The following ROBO2 variants were observed in gnomAD, a reference collection of about 807,000 sequenced individuals.
ROBO2 encodes the protein roundabout guidance receptor 2.
A neutral mutation model predicts 160.8 loss-of-function variants in ROBO2; 53 were observed. That is an observed-to-expected ratio of 0.33 (90% CI 0.26 to 0.41). The LOEUF (loss-of-function observed/expected upper bound fraction) is 0.41. Among genes scored for constraint, ROBO2 ranks in the 10% least tolerant of loss-of-function variants. The pLI is 1.00. For synonymous variants in ROBO2, 664 were observed against 611.7 expected (o/e 1.09, Z -1.26); for missense variants, 1,577 against 1,722.4 (o/e 0.92, Z 1.49).
At chr3:75,999,257 A>G (rs2065815495) in intron 2 of ROBO2, among the ~76,000 whole-genome samples, 1 of 152,206 alleles carries the variant, frequency 6.6e-6, no homozygotes, top group Admixed American at 6.5e-5. Context: ...TGTTCTTAGA[A>G]CAATATTCTA....
chr3:76,619,139 G>C (rs1195140794), intron 2 of ROBO2, among the ~76,000 whole-genome samples: 1 of 151,610 alleles, frequency 6.6e-6, no homozygotes, highest in African/African-American at 2.4e-5. Context: ...AGGAGATCGA[G>C]ACCATCCTGG....
intron 2 of ROBO2, among the ~76,000 whole-genome samples, chr3:76,349,275 A>T (rs1253507365): frequency 6.6e-6 from 1 of 152,148 alleles, no homozygotes; most frequent in Non-Finnish European, 1.5e-5. Context: ...TTGATGGCAA[A>T]TTATAGTTTG....
At chr3:76,538,103 T>C (rs1313261464) in intron 2 of ROBO2, among the ~76,000 whole-genome samples, 3 of 151,294 alleles carry the variant, frequency 2.0e-5, no homozygotes, top group African/African-American at 7.3e-5. Flanking sequence ...TGTGTGCAGG[T>C]CACAGGGGTT....
chr3:76,006,518 C>T (rs1418349493), intron 2 of ROBO2, among the ~76,000 whole-genome samples: 1 of 152,078 alleles, frequency 6.6e-6, no homozygotes. Flanking sequence ...AGCTATTTAC[C>T]TATCCTTCTT....
chr3:76,049,132 T>C (rs1203348979), intron 2 of ROBO2, among the ~76,000 whole-genome samples: 1 of 152,066 alleles, frequency 6.6e-6, no homozygotes, highest in African/African-American at 2.4e-5. Context: ...AACTTCTTAT[T>C]TTGAGCTGGG....
chr3:77,272,322 T>C (rs1036929692), intron 2 of ROBO2, among the ~76,000 whole-genome samples: 10 of 151,998 alleles, frequency 6.6e-5, no homozygotes, highest in Non-Finnish European at 1.3e-4. Flanking sequence ...AGAGGCAGCA[T>C]GGCTGAGGAG....
At chr3:76,683,568 C>T (rs2092618569) in intron 2 of ROBO2, among the ~76,000 whole-genome samples, 1 of 151,578 alleles carries the variant, frequency 6.6e-6, no homozygotes. Context: ...TGTGGTTCTC[C>T]AGTTGATTAC....
intron 2 of ROBO2, among the ~76,000 whole-genome samples, chr3:76,738,848 T>A (rs1560474205): frequency 6.6e-6 from 1 of 152,194 alleles, no homozygotes; most frequent in African/African-American, 2.4e-5. Context: ...TTGTTTTTTT[T>A]TCTTTTTAAA....
intron 2 of ROBO2, among the ~76,000 whole-genome samples, chr3:77,378,425 T>C (rs1430769142): frequency 6.6e-6 from 1 of 152,118 alleles, no homozygotes; most frequent in East Asian, 1.9e-4. Context: ...AACTAAGATA[T>C]TGTAAAGCCA....
chr3:76,302,938 A>C (rs1250444777), intron 2 of ROBO2, among the ~76,000 whole-genome samples: 2 of 152,146 alleles, frequency 1.3e-5, no homozygotes, highest in Non-Finnish European at 2.9e-5. Flanking sequence ...ATAGACAGGA[A>C]TATCCCATGT....
At chr3:76,371,524 CTT>C (rs2076100495) in intron 2 of ROBO2, among the ~76,000 whole-genome samples, 1 of 151,796 alleles carries the variant, frequency 6.6e-6, no homozygotes, top group African/African-American at 2.4e-5. Context: ...GTATATGAGT[CTT>C]TGCACATACT....
intron 2 of ROBO2, among the ~76,000 whole-genome samples, chr3:76,798,272 G>GAAAGAA: frequency 1.5e-5 from 2 of 130,706 alleles, no homozygotes; most frequent in Admixed American, 7.6e-5. Context: ...AAGAAAGAAA[G>GAAAGAA]AAAGAAAGAA....
intron 2 of ROBO2, among the ~76,000 whole-genome samples, chr3:76,690,040 AC>A (rs1347672082): frequency 1.3e-5 from 2 of 152,144 alleles, no homozygotes; most frequent in African/African-American, 4.8e-5. Context: ...ATTGCATGGC[AC>A]CTACATTTAC....
chr3:76,903,415 T>C (rs946096141), intron 2 of ROBO2, among the ~76,000 whole-genome samples: 3 of 152,108 alleles, frequency 2.0e-5, no homozygotes, highest in African/African-American at 4.8e-5. Context: ...TGGGAGTCAA[T>C]TGGACTTGAC....
At chr3:76,657,589 A>T (rs1020253772) in intron 2 of ROBO2, among the ~76,000 whole-genome samples, 6 of 146,766 alleles carry the variant, frequency 4.1e-5, no homozygotes, top group South Asian at 2.1e-4. Context: ...CTCTAAAAAA[A>T]ATATATATAT....
chr3:76,548,334 G>T (rs2083226275), intron 2 of ROBO2, among the ~76,000 whole-genome samples: 1 of 152,066 alleles, frequency 6.6e-6, no homozygotes, highest in Admixed American at 6.6e-5. Flanking sequence ...TTTCCCAGTT[G>T]AATCTGGACA....
At chr3:76,008,438 C>G (rs753679799) in intron 2 of ROBO2, among the ~76,000 whole-genome samples, 1 of 151,792 alleles carries the variant, frequency 6.6e-6, no homozygotes, top group Non-Finnish European at 1.5e-5. Context: ...TTAGCAGTGT[C>G]GATGCCACCT....
intron 2 of ROBO2, among the ~76,000 whole-genome samples, chr3:76,303,264 T>C (rs1219114902): frequency 1.3e-5 from 2 of 152,194 alleles, no homozygotes; most frequent in African/African-American, 2.4e-5. Context: ...AGGTTAACTA[T>C]GTGTTAACAA....
At chr3:77,216,167 C>T (rs1398987788) in intron 2 of ROBO2, among the ~76,000 whole-genome samples, 2 of 152,072 alleles carry the variant, frequency 1.3e-5, no homozygotes, top group Non-Finnish European at 2.9e-5. Context: ...GTGCCCTGTC[C>T]CCAGAGGTGG....
Sources: allele counts gnomAD v4.1 joint callset (sites outside exome capture counted in the v4.1 genomes callset), GRCh38; gene constraint gnomAD v4.1.1; transcripts MANE v1.5; gene names NCBI Gene and HGNC (gene_info 2026-07-23, HGNC 2026-07-21).